The following FBXL7 variants were observed in gnomAD, a reference collection of about 807,000 sequenced individuals.
FBXL7 encodes the protein F-box and leucine rich repeat protein 7.
In FBXL7, 12 loss-of-function variants were observed where a neutral mutation model predicts 38.3. The observed-to-expected ratio is 0.31, with a 90% confidence interval of 0.20 to 0.51. FBXL7 has a LOEUF of 0.51. Among genes scored for constraint, FBXL7 ranks in the 20% least tolerant of loss-of-function variants. The pLI is 0.98. For synonymous variants in FBXL7, 297 were observed against 300.9 expected (o/e 0.99, Z 0.13); for missense variants, 567 against 676.4 (o/e 0.84, Z 1.79).
At position 15,730,714 on chromosome 5, in the gene FBXL7, T is replaced by C. The variant is rs963133801; in HGVS notation, c.127+114642T>C. Among the ~76,000 whole-genome samples, 8 of 152,350 alleles carry C rather than the reference T, an allele frequency of 5.3e-5. No homozygotes were observed. In the East Asian group the frequency reaches 1.5e-3, roughly 29 times the overall value. On this transcript the variant is annotated intron_variant, in intron 2 of 3. Transcript: ENST00000504595. ...ATGTTTTGTTCTATTTTGGAGAAGCTATTTATTTCTAGGGCATATTGCCAT... is the reference window on the plus strand; with the variant it reads ...ATGTTTTGTTCTATTTTGGAGAAGCCATTTATTTCTAGGGCATATTGCCAT...
chr5:15,928,660 A>G lies in FBXL7; in HGVS notation c.739+159A>G, dbSNP rs1741959687. Among the ~76,000 whole-genome samples the G allele has an allele frequency of 6.6e-6, 1 of 151,962 alleles. No homozygotes were observed. The highest frequency in any genetic ancestry group is 2.1e-4 in the South Asian group (1 of 4,822). ...TTTTGCAGAGAAACTGTCTCTATGG[A>G]ATCATGACCCTGGAGGCCACAAGTT... On this transcript the variant is annotated intron_variant, in intron 3 of 3. Coordinates refer to ENST00000504595, the MANE Select transcript of FBXL7 (RefSeq NM_012304.5). This position sits in a 1 kb window ranked among gnomAD's most constrained non-coding sequence, Gnocchi z 4.0.
At chr5:15,673,761 C>T (rs1181459596) in intron 2 of FBXL7, among the ~76,000 whole-genome samples, 2 of 151,936 alleles carry the variant, frequency 1.3e-5, no homozygotes, top group African/African-American at 4.8e-5. Flanking sequence ...TACATCTTGG[C>T]TCTTAATTAT....
chr5:15,893,242 C>A (rs1156548102), intron 2 of FBXL7, among the ~76,000 whole-genome samples: 1 of 152,108 alleles, frequency 6.6e-6, no homozygotes, highest in Non-Finnish European at 1.5e-5. Context: ...AACCATCATG[C>A]CCCCACTAAT....
At chr5:15,501,499 A>AT in intron 1 of FBXL7, 1 of 985,486 alleles carries the variant, frequency 1.0e-6, no homozygotes, top group Non-Finnish European at 1.2e-6. Context: ...AGGCAAAGGC[A>AT]TTTTTCTGCA....
chr5:15,715,932 C>G (rs1208429916), intron 2 of FBXL7, among the ~76,000 whole-genome samples: 1 of 152,170 alleles, frequency 6.6e-6, no homozygotes, highest in Non-Finnish European at 1.5e-5. Flanking sequence ...ATGTTTAATG[C>G]CTCAGTATTT....
chr5:15,521,358 C>T (rs1401760625), intron 1 of FBXL7, among the ~76,000 whole-genome samples: 1 of 152,164 alleles, frequency 6.6e-6, no homozygotes, highest in Non-Finnish European at 1.5e-5. Context: ...TCACACATAG[C>T]AGAGTTCTCA....
chr5:15,862,274 C>G (rs905320136), intron 2 of FBXL7, among the ~76,000 whole-genome samples: 3 of 152,134 alleles, frequency 2.0e-5, no homozygotes, highest in Admixed American at 2.0e-4. Context: ...TTTCACTTGG[C>G]TCTCATTCTT....
chr5:15,552,431 C>T (rs1738105425), intron 1 of FBXL7, among the ~76,000 whole-genome samples: 1 of 152,180 alleles, frequency 6.6e-6, no homozygotes, highest in Non-Finnish European at 1.5e-5. Context: ...ACAAATTGGT[C>T]TCATTGACTC....
At chr5:15,728,790 T>C (rs1735491424) in intron 2 of FBXL7, among the ~76,000 whole-genome samples, 1 of 152,150 alleles carries the variant, frequency 6.6e-6, no homozygotes, top group Admixed American at 6.6e-5. Context: ...TGATAATTAC[T>C]TTTTCCTTCT....
At chr5:15,803,498 T>C (rs147164288) in intron 2 of FBXL7, among the ~76,000 whole-genome samples, 1 of 152,322 alleles carries the variant, frequency 6.6e-6, no homozygotes, top group East Asian at 1.9e-4. Flanking sequence ...CCAAATTAAA[T>C]ATTCTTTGTT....
intron 2 of FBXL7, among the ~76,000 whole-genome samples, chr5:15,810,047 G>T (rs957015564): frequency 1.3e-5 from 2 of 152,052 alleles, no homozygotes; most frequent in African/African-American, 2.4e-5. Context: ...TTTTGGTGGG[G>T]TATTCATTTC....
At chr5:15,565,070 A>G (rs1401773188) in intron 1 of FBXL7, among the ~76,000 whole-genome samples, 1 of 152,132 alleles carries the variant, frequency 6.6e-6, no homozygotes, top group African/African-American at 2.4e-5. Flanking sequence ...TAATAAAAGT[A>G]GATTTTCCTG....
At chr5:15,570,782 C>CT (rs1416571672) in intron 1 of FBXL7, among the ~76,000 whole-genome samples, 1 of 152,174 alleles carries the variant, frequency 6.6e-6, no homozygotes, top group East Asian at 1.9e-4. Context: ...GGTTCCTCTT[C>CT]TGGTTTATAA....
At chr5:15,562,736 C>T (rs1051513274) in intron 1 of FBXL7, among the ~76,000 whole-genome samples, 14 of 152,028 alleles carry the variant, frequency 9.2e-5, no homozygotes, top group Admixed American at 1.3e-4. Context: ...TCCTCCTTCC[C>T]TCTTTCTTTC....
chr5:15,533,497 A>G (rs925403325), intron 1 of FBXL7, among the ~76,000 whole-genome samples: 1 of 152,168 alleles, frequency 6.6e-6, no homozygotes, highest in Admixed American at 6.5e-5. Flanking sequence ...AGGAGCCATA[A>G]TTTTCATCAG....
At chr5:15,879,042 GT>G (rs35083886) in intron 2 of FBXL7, among the ~76,000 whole-genome samples, 1,908 of 152,294 alleles carry the variant, frequency 0.013, 23 homozygotes, top group Non-Finnish European at 0.018. Flanking sequence ...GACTTGGATA[GT>G]TTTCTGGGTA....
At chr5:15,580,725 G>T (rs1212631850) in intron 1 of FBXL7, 1 of 985,278 alleles carries the variant, frequency 1.0e-6, no homozygotes, top group Non-Finnish European at 1.2e-6. Flanking sequence ...GAGGTGGTGA[G>T]CCTGAAGATC....
intron 2 of FBXL7, among the ~76,000 whole-genome samples, chr5:15,782,108 T>G (rs1461697212): frequency 6.6e-6 from 1 of 152,190 alleles, no homozygotes; most frequent in Non-Finnish European, 1.5e-5. Context: ...TTTGTTAGTT[T>G]GCTGAGAATG....
At chr5:15,701,845 A>G (rs565229454) in intron 2 of FBXL7, among the ~76,000 whole-genome samples, 1 of 152,334 alleles carries the variant, frequency 6.6e-6, no homozygotes, top group East Asian at 1.9e-4. Flanking sequence ...ACAAAGTATT[A>G]CAAAGTGTTG....
Sources: allele counts gnomAD v4.1 joint callset (sites outside exome capture counted in the v4.1 genomes callset), GRCh38; gene constraint gnomAD v4.1.1; non-coding constraint Gnocchi (gnomAD v3.1); transcripts MANE v1.5; gene names NCBI Gene and HGNC (gene_info 2026-07-23, HGNC 2026-07-21).